Variants in GJA8 observed in about 807,000 individuals in gnomAD.
The protein encoded by GJA8 is gap junction alpha-8 protein.
In GJA8, 13 loss-of-function variants were observed where a neutral mutation model predicts 15.3. That is an observed-to-expected ratio of 0.85 (90% CI 0.55 to 1.35). The LOEUF is 1.35. Ranked by LOEUF, GJA8 falls within the 40% of genes most tolerant of loss-of-function variation. The pLI is 0.00. For missense variants in GJA8, 607 were observed against 553.3 expected (o/e 1.10, Z -0.97); for synonymous variants, 304 against 238.7 (o/e 1.27, Z -2.52).
chr1:147,908,801 C>T lies in GJA8; in HGVS notation c.846C>T (p.Thr282=), dbSNP rs1553242857. The T allele has an allele frequency of 1.9e-6, 3 of 1,614,168 alleles. No homozygotes were observed. Among genetic ancestry groups the T allele is most frequent in the South Asian group, 1.1e-5 (1 of 91,078 alleles). Residue 282 remains threonine, a synonymous_variant, in exon 2 of 2, where the codon ACC becomes ACT. Transcript: ENST00000369235. ...TCGTTTCCCACTATTTCCCCTTGAC[C>T]GAGGTTGGGATGGTGGAGACCAGCC... ...EKIVSHYFPL[T]EVGMVETSPL... is the part of the protein sequence containing the mutation.
chr1:147,908,857 A>G lies in GJA8; in HGVS notation c.902A>G (p.Glu301Gly), dbSNP rs199508981. ...CCTGCCAAGCCTTTCAATCAGTTCGAGGAGAAGATCAGCACAGGACCCCTG... is the reference window on the plus strand; with the variant it reads ...CCTGCCAAGCCTTTCAATCAGTTCGGGGAGAAGATCAGCACAGGACCCCTG... Reference protein sequence around the residue: ...PLPAKPFNQFEEKISTGPLGD... With the variant: ...PLPAKPFNQFGEKISTGPLGD... The change falls in exon 2 of 2, where the codon GAG becomes GGG. Residue 301 changes from glutamate to glycine, a missense_variant. Glu to Gly is a moderately conservative substitution (Grantham distance 98). Coordinates refer to ENST00000369235, the MANE Select transcript of GJA8 (RefSeq NM_005267.5). The G allele has an allele frequency of 6.2e-7, 1 of 1,614,076 alleles. No individual in the cohort carries two copies. The highest frequency in any genetic ancestry group is 2.2e-5 in the East Asian group (1 of 44,868).
Position 147,908,253 on chromosome 1 carries a change from G to T in GJA8, c.298G>T (p.Val100Phe), listed in dbSNP as rs782044825. ...GTACGTGGGGCACGCGGTGCACTAC[G>T]TCCGCATGGAGGAGAAGCGCAAAAG... ...LMYVGHAVHY[V>F]RMEEKRKSRE... The change falls in exon 2 of 2, where the codon GTC (valine) becomes TTC (phenylalanine). Residue 100 changes from valine (V) to phenylalanine (F), a missense_variant. Coordinates refer to ENST00000369235, the MANE Select transcript of GJA8 (RefSeq NM_005267.5). 1.2e-6 allele frequency: 2 copies of T among 1,614,196 alleles called. No individual in the cohort carries two copies. Among genetic ancestry groups the T allele is most frequent in the South Asian group, 1.1e-5 (1 of 91,086 alleles).
At position 147,908,795 on chromosome 1, in the gene GJA8, C is replaced by T. The variant is rs1553242854; in HGVS notation, c.840C>T (p.Pro280=). ...EEEKIVSHYF[P]LTEVGMVETS... ...AGAAAATCGTTTCCCACTATTTCCC[C>T]TTGACCGAGGTTGGGATGGTGGAGA... is the stretch of plus-strand genomic sequence containing the variant. The change falls in exon 2 of 2, where the codon CCC becomes CCT. Residue 280 remains proline (P), a synonymous_variant. Transcript: ENST00000369235. 1.2e-6 allele frequency: 2 copies of T among 1,614,198 alleles called. No individual in the cohort carries two copies. Among genetic ancestry groups the T allele is most frequent in the Admixed American group, 1.7e-5 (1 of 60,022 alleles).
At chr1:147,912,121 T>C (rs1353977809), downstream of GJA8, among the ~76,000 whole-genome samples, 3 of 152,200 alleles carry the variant, frequency 2.0e-5, no homozygotes, top group Non-Finnish European at 4.4e-5. Context: ...CAGTTTTCTG[T>C]CTACAAACTA....
chr1:147,911,432 G>A (rs1207791884), downstream of GJA8, among the ~76,000 whole-genome samples: 1 of 152,038 alleles, frequency 6.6e-6, no homozygotes, highest in Non-Finnish European at 1.5e-5. Context: ...AACTACTCCT[G>A]GGGAAAAAAC....
intron 1 of GJA8, among the ~76,000 whole-genome samples, chr1:147,905,958 G>A (rs1160875005): frequency 1.3e-5 from 2 of 152,204 alleles, no homozygotes; most frequent in African/African-American, 4.8e-5. Context: ...GGCCTCAAGA[G>A]GAGGAGCACT....
In GJA8 at chr1:147,909,076, C is replaced by T. The variant is rs782249923; in HGVS notation, c.1121C>T (p.Thr374Ile). The T allele has an allele frequency of 2.5e-6, 4 of 1,608,106 alleles. No individual in the cohort carries two copies. The highest frequency in any genetic ancestry group is 2.7e-5 in the African/African-American group (2 of 74,706). Reference protein sequence around the residue: ...VAVPEGEKVETPGVDKEGEKE... With the variant: ...VAVPEGEKVEIPGVDKEGEKE... Reference sequence around the variant, plus strand: ...GTGCCAGAGGGGGAGAAAGTAGAGACCCCCGGAGTGGATAAGGAGGGTGAA... The same window carrying T: ...GTGCCAGAGGGGGAGAAAGTAGAGATCCCCGGAGTGGATAAGGAGGGTGAA... The change falls in exon 2 of 2, where the codon ACC (threonine) becomes ATC (isoleucine). Residue 374 changes from threonine to isoleucine, a missense_variant. Thr to Ile is a moderately conservative substitution (Grantham distance 89, BLOSUM62 -1). Transcript: ENST00000369235.
chr1:147,906,105 C>G (rs1240198262), intron 1 of GJA8, among the ~76,000 whole-genome samples: 2 of 152,248 alleles, frequency 1.3e-5, no homozygotes, highest in Non-Finnish European at 2.9e-5. Context: ...TGGAAATAGG[C>G]TTTTGTGTTT....
downstream of GJA8, among the ~76,000 whole-genome samples, chr1:147,912,640 T>C (rs1279652844): frequency 6.6e-6 from 1 of 152,068 alleles, no homozygotes; most frequent in Non-Finnish European, 1.5e-5. Context: ...TATGTCCAGA[T>C]TTCATTTCTA....
chr1:147,909,428 C>A (rs958565152), downstream of GJA8, among the ~76,000 whole-genome samples: 1 of 152,154 alleles, frequency 6.6e-6, no homozygotes, highest in African/African-American at 2.4e-5. Flanking sequence ...AACAGTCTTT[C>A]CCACATCCAG....
At chr1:147,912,910 A>G (rs368248540), downstream of GJA8, among the ~76,000 whole-genome samples, 6 of 151,672 alleles carry the variant, frequency 4.0e-5, no homozygotes, top group Middle Eastern at 3.2e-3. Flanking sequence ...AAAAAAAAAA[A>G]AAAAAGAAAG....
Position 147,908,571 on chromosome 1 carries a change from A to G in GJA8, c.616A>G (p.Ile206Val). The G allele has an allele frequency of 6.2e-7, 1 of 1,614,092 alleles. No homozygotes were observed. Among genetic ancestry groups the G allele is most frequent in the Non-Finnish European group, 8.5e-7 (1 of 1,180,024 alleles). Residue 206 changes from isoleucine to valine, a missense_variant, in exon 2 of 2, where the codon ATC becomes GTC. Physicochemically the swap from Ile to Val is conservative, Grantham distance 29 (BLOSUM62 3). Coordinates refer to ENST00000369235, the MANE Select transcript of GJA8 (RefSeq NM_005267.5). The part of the protein sequence containing the change: ...VSRPTEKTIF[I>V]LFMLSVASVS... ...CCGGCCCACGGAGAAAACCATCTTC[A>G]TCCTGTTCATGTTGTCTGTGGCCTC...
chr1:147,910,887 C>G (rs1437977452), downstream of GJA8, among the ~76,000 whole-genome samples: 1 of 152,166 alleles, frequency 6.6e-6, no homozygotes, highest in Admixed American at 6.5e-5. Flanking sequence ...CTAAAGGGAA[C>G]AAGAAGAATC....
Position 147,909,049 on chromosome 1 carries a change from C to A in GJA8, c.1094C>A (p.Ala365Asp). ...RLTTEEQEKV[A>D]VPEGEKVETP... ...ACCACGGAGGAGCAGGAGAAGGTGG[C>A]CGTGCCAGAGGGGGAGAAAGTAGAG... The change falls in exon 2 of 2, where the codon GCC (alanine) becomes GAC (aspartate). Residue 365 changes from alanine to aspartate, a missense_variant. By Grantham distance (126) the Ala-to-Asp change is moderately radical. Coordinates refer to ENST00000369235, the MANE Select transcript of GJA8 (RefSeq NM_005267.5). The A allele has an allele frequency of 6.3e-7, 1 of 1,599,774 alleles. No homozygotes were observed.
rs1651883655 is a variant in GJA8, at chr1:147,908,179, T to C, written c.224T>C (p.Ile75Thr). ...GACGAGGCCTTTCCCATCTCCCACATTCGCCTCTGGGTGCTGCAGATCATC... is the reference window on the plus strand; with the variant it reads ...GACGAGGCCTTTCCCATCTCCCACACTCGCCTCTGGGTGCTGCAGATCATC... ...CYDEAFPISH[I>T]RLWVLQIIFV... Residue 75 changes from isoleucine to threonine, a missense_variant, in exon 2 of 2, where the codon ATT becomes ACT. Ile to Thr is a moderately conservative substitution (Grantham distance 89). Transcript: ENST00000369235. 2.5e-6 allele frequency: 4 copies of C among 1,614,200 alleles called. No homozygotes were observed. The highest frequency in any genetic ancestry group is 3.4e-6 in the Non-Finnish European group (4 of 1,180,028).
rs782348605 is a variant in GJA8, at chr1:147,908,232, G to T, written c.277G>T (p.Val93Leu). The T allele has an allele frequency of 1.9e-6, 3 of 1,614,190 alleles. No homozygotes were observed. Among genetic ancestry groups the T allele is most frequent in the Non-Finnish European group, 1.7e-6 (2 of 1,180,020 alleles). Residue 93 changes from valine (V) to leucine (L), a missense_variant, in exon 2 of 2, where the codon GTG (valine) becomes TTG (leucine). Coordinates refer to ENST00000369235, the MANE Select transcript of GJA8 (RefSeq NM_005267.5). Reference sequence around the variant, plus strand: ...CGTCTCCACCCCGTCCCTGATGTACGTGGGGCACGCGGTGCACTACGTCCG... The same window carrying T: ...CGTCTCCACCCCGTCCCTGATGTACTTGGGGCACGCGGTGCACTACGTCCG... ...IFVSTPSLMYVGHAVHYVRME... is the reference protein window; with the variant it reads ...IFVSTPSLMYLGHAVHYVRME...
At chr1:147,909,390 G>A (rs973326865), downstream of GJA8, 15 of 723,720 alleles carry the variant, frequency 2.1e-5, no homozygotes, top group Non-Finnish European at 3.4e-5. Context: ...CACTGCAGCA[G>A]GGCAGTGCAC....
At chr1:147,910,035 T>C (rs894121771), downstream of GJA8, among the ~76,000 whole-genome samples, 7 of 152,170 alleles carry the variant, frequency 4.6e-5, no homozygotes, top group African/African-American at 1.7e-4. Flanking sequence ...AATTTTTGTA[T>C]TTTTTGTACA....
At chr1:147,911,768 A>G (rs1553243505), downstream of GJA8, among the ~76,000 whole-genome samples, 1 of 152,196 alleles carries the variant, frequency 6.6e-6, no homozygotes. Context: ...ACCAGAATAA[A>G]GTGTCTATCT....
Sources: gnomAD v4.1 joint callset for allele counts (sites outside exome capture counted in the v4.1 genomes callset) on GRCh38, gnomAD v4.1.1 for gene constraint, MANE v1.5 for transcripts, NCBI Gene and HGNC (gene_info 2026-07-23, HGNC 2026-07-21) for gene names.